Variants in ENTPD5 observed in about 807,000 individuals in gnomAD.
ENTPD5 encodes the protein nucleoside diphosphate phosphatase ENTPD5.
Under a neutral mutation model 60.2 loss-of-function variants are expected in ENTPD5, and 49 were observed. The ratio of observed to expected loss-of-function variants is 0.81; its 90% CI spans 0.65 to 1.03. ENTPD5 has a LOEUF of 1.03. ENTPD5 is among the 50% of genes least tolerant of loss of function. The pLI is 0.00. For missense variants in ENTPD5, 480 were observed against 507.6 expected (o/e 0.95, Z 0.52); for synonymous variants, 187 against 185.4 (o/e 1.01, Z -0.07).
intron 3 of ENTPD5, among the ~76,000 whole-genome samples, chr14:74,008,658 G>T (rs1376055411): frequency 6.6e-6 from 1 of 152,096 alleles, no homozygotes; most frequent in Non-Finnish European, 1.5e-5. Flanking sequence ...GCCTCCCAAA[G>T]TGCTGGGATT....
At chr14:73,980,170 C>T (rs375659364) in intron 6 of ENTPD5, among the ~76,000 whole-genome samples, 10 of 151,162 alleles carry the variant, frequency 6.6e-5, no homozygotes, top group African/African-American at 2.4e-4. Flanking sequence ...TGGTCTTGAA[C>T]TCCTGACCTC....
chr14:73,963,167 A>C, downstream of ENTPD5: 1 of 711,508 alleles, frequency 1.4e-6, no homozygotes, highest in South Asian at 1.6e-5. Flanking sequence ...ATGAATGATA[A>C]TTTGCTGTGA....
chr14:73,961,658 A>C, downstream of ENTPD5: 1 of 1,606,196 alleles, frequency 6.2e-7, no homozygotes. Flanking sequence ...GAGTGGACAT[A>C]AAATATATCT....
intron 2 of ENTPD5, among the ~76,000 whole-genome samples, chr14:74,013,075 G>A (rs988170756): frequency 2.0e-5 from 3 of 152,278 alleles, no homozygotes; most frequent in East Asian, 1.9e-4. Context: ...AGAACCACCT[G>A]GAGGGCATAG....
At chr14:74,018,685 A>T (rs2059143024) in intron 1 of ENTPD5, 1 of 152,194 alleles carries the variant, frequency 6.6e-6, no homozygotes, top group South Asian at 2.1e-4. Context: ...TCGGCCACAC[A>T]GGACCTAGTG....
Position 73,966,876 on chromosome 14 carries a change from C to T in ENTPD5, c.*52G>A. 1 of 1,371,714 alleles carries T rather than the reference C, an allele frequency of 7.3e-7. No individual in the cohort carries two copies. The allele number at this position is 1,371,714 out of a possible 1,614,324, so 85.0% of individuals were successfully genotyped here. ...TAGTTCAGAAACTAAGTGCTCTCTC[C>T]TCCCCTTAAAAAGGTGTTGGCAAAT... On this transcript the variant is annotated 3_prime_UTR_variant, in exon 16 of 16. Coordinates refer to ENST00000334696, the MANE Select transcript of ENTPD5 (RefSeq NM_001249.5).
At chr14:73,972,743 T>C in intron 13 of ENTPD5, 141 bp downstream of exon 13, 1 of 983,758 alleles carries the variant, frequency 1.0e-6, no homozygotes, top group Admixed American at 2.7e-5. Flanking sequence ...CTCTAAGTCA[T>C]TTCCACCCTT....
intron 1 of ENTPD5, among the ~76,000 whole-genome samples, chr14:74,017,489 G>A (rs1442433113): frequency 6.7e-6 from 1 of 148,726 alleles, no homozygotes; most frequent in Non-Finnish European, 1.5e-5. Context: ...TGAGGCAGGA[G>A]AATCGCTTGA....
chr14:73,960,393 C>G (rs749769551), downstream of ENTPD5: 64 of 987,546 alleles, frequency 6.5e-5, no homozygotes, highest in African/African-American at 7.0e-5. Context: ...AATATGGGTA[C>G]CAGTATTACT....
chr14:73,968,816 C>T (rs567808517), intron 15 of ENTPD5, among the ~76,000 whole-genome samples: 1 of 152,234 alleles, frequency 6.6e-6, no homozygotes, highest in South Asian at 2.1e-4. Flanking sequence ...TCTGTGTTGA[C>T]CTGATGTAAT....
chr14:73,956,098 G>A, downstream of ENTPD5: 1 of 832,196 alleles, frequency 1.2e-6, no homozygotes, highest in South Asian at 1.4e-5. Context: ...GCTAAGGCGG[G>A]CGGATCACGA....
At chr14:74,008,379 ATTTTTTC>A (rs962421358) in intron 3 of ENTPD5, among the ~76,000 whole-genome samples, 4 of 149,834 alleles carry the variant, frequency 2.7e-5, no homozygotes, top group African/African-American at 9.8e-5. Flanking sequence ...TTTATTATTT[ATTTTTTC>A]TTTTTTCTTT....
chr14:74,003,249 C>G (rs912473454), intron 3 of ENTPD5: 2 of 353,146 alleles, frequency 5.7e-6, no homozygotes, highest in African/African-American at 4.3e-5. Context: ...AGAATATAAG[C>G]TCCTCAAGAG....
intron 3 of ENTPD5, chr14:74,003,320 T>C (rs2140802587): frequency 2.2e-6 from 1 of 463,878 alleles, no homozygotes; most frequent in South Asian, 1.8e-5. Flanking sequence ...AAGGTGGAAT[T>C]CAATAAAAAC....
intron 3 of ENTPD5, among the ~76,000 whole-genome samples, chr14:74,010,436 C>T (rs996345969): frequency 2.0e-5 from 3 of 152,046 alleles, no homozygotes; most frequent in African/African-American, 7.2e-5. Context: ...TGCTTGTAAT[C>T]CCAACTACTC....
chr14:73,988,241 C>T, intron 3 of ENTPD5, 69 bp from the exon 4 acceptor site: 2 of 1,396,740 alleles, frequency 1.4e-6, no homozygotes, highest in Non-Finnish European at 1.9e-6. Flanking sequence ...AGAAGAAACA[C>T]TCACTCCTGG....
chr14:74,015,017 G>A (rs1283794942), intron 2 of ENTPD5, among the ~76,000 whole-genome samples: 3 of 151,068 alleles, frequency 2.0e-5, no homozygotes, highest in Non-Finnish European at 4.4e-5. Flanking sequence ...GGGAGGCAGA[G>A]TTGAAGTGAG....
At chr14:73,987,395 A>G (rs770803000) in intron 4 of ENTPD5, among the ~76,000 whole-genome samples, 5 of 152,286 alleles carry the variant, frequency 3.3e-5, no homozygotes, top group Non-Finnish European at 7.4e-5. Flanking sequence ...GAATTAAACC[A>G]TGTGTTCTGG....
At chr14:73,976,978 T>A (rs369195293) in intron 8 of ENTPD5, 46 bp downstream of exon 8, 3 of 1,493,110 alleles carry the variant, frequency 2.0e-6, no homozygotes, top group African/African-American at 1.4e-5. Context: ...TGACTATGCA[T>A]GTAAAAGCTA....
Sources: allele counts gnomAD v4.1 joint callset (sites outside exome capture counted in the v4.1 genomes callset), GRCh38; gene constraint gnomAD v4.1.1; transcripts MANE v1.5; gene names NCBI Gene and HGNC (gene_info 2026-07-23, HGNC 2026-07-21).